The following WNK3 variants were observed in gnomAD, a reference collection of about 807,000 sequenced individuals.
The protein encoded by WNK3 is WNK lysine deficient protein kinase 3, also known as serine/threonine-protein kinase WNK3.
In WNK3, 18 loss-of-function variants were observed where a neutral mutation model predicts 116.7. The observed-to-expected ratio is 0.15, with a 90% CI of 0.11 to 0.23. WNK3 has a LOEUF of 0.23. Among genes scored for constraint, WNK3 ranks in the 10% least tolerant of loss-of-function variants. The probability of loss-of-function intolerance (pLI) is 1.00; values close to 1 mark genes in which losing one functional copy is unlikely to be tolerated. For missense variants in WNK3, 993 were observed against 1,323.8 expected (o/e 0.75, Z 3.88); for synonymous variants, 404 against 469.4 (o/e 0.86, Z 1.80).
chrX:54,332,556 T>G (rs1469756857), intron 2 of WNK3, among the ~76,000 whole-genome samples: 1 of 111,689 alleles, frequency 9.0e-6, no homozygotes, highest in East Asian at 2.8e-4. Context: ...TTGGGGACTT[T>G]CCTAAAGCTA....
In WNK3 at chrX:54,255,224, C is replaced by T. The variant is rs185665324; in HGVS notation, c.2250+516G>A. Among the ~76,000 whole-genome samples, 73 of 111,639 alleles carry T rather than the reference C, an allele frequency of 6.5e-4. No individual in the cohort carries two copies. The East Asian group carries it at 0.016, about 25-fold the overall frequency. On this transcript the variant is annotated intron_variant, in intron 12 of 23. Transcript: ENST00000354646. ...CGAACTCCTGACCTCAGATGATCCA[C>T]CTGCCTCGGCCTTCCAAAGTGTTGG...
chrX:54,215,976 T>C (rs1240417337), intron 22 of WNK3, among the ~76,000 whole-genome samples: 3 of 111,214 alleles, frequency 2.7e-5, no homozygotes, highest in Non-Finnish European at 3.8e-5. Context: ...TCTATAATCT[T>C]ACCCCCAACC....
exon 21 of WNK3, chrX:54,232,960 A>G (rs370105030): frequency 2.0e-5 from 24 of 1,208,723 alleles, no homozygotes; most frequent in Non-Finnish European, 1.7e-5. Context: ...GAAGGCGTTC[A>G]TAGAGCTCCT....
chrX:54,273,057 C>T (rs1421280625), intron 10 of WNK3, among the ~76,000 whole-genome samples: 3 of 112,031 alleles, frequency 2.7e-5, no homozygotes, highest in Non-Finnish European at 3.8e-5. Flanking sequence ...TCTGGCCAAT[C>T]CAGTCAGTAC....
intron 17 of WNK3, among the ~76,000 whole-genome samples, chrX:54,243,912 T>C (rs1486193417): frequency 9.0e-5 from 10 of 111,605 alleles, no homozygotes; most frequent in African/African-American, 3.3e-4. Flanking sequence ...ATAAACAAAA[T>C]GCAGTATAGC....
Position 54,260,547 on chromosome X carries a change from C to G in WNK3, c.2038-1209G>C, listed in dbSNP as rs1047601261. 2.7e-5 allele frequency among the ~76,000 whole-genome samples: 3 copies of G among 111,434 alleles called. No individual in the cohort carries two copies. The Admixed American group carries it at 2.9e-4, about 11-fold the overall frequency. Reference sequence around the variant, plus strand: ...ATGGGGTTATTAATGCTACTTTGTGCTGGTGCTCAGAATCATGGCTAATGT... The same window carrying G: ...ATGGGGTTATTAATGCTACTTTGTGGTGGTGCTCAGAATCATGGCTAATGT... On this transcript the variant is annotated intron_variant, in intron 10 of 23. Transcript: ENST00000354646.
intron 1 of WNK3, among the ~76,000 whole-genome samples, chrX:54,336,012 G>A (rs1319270701): frequency 8.0e-5 from 9 of 112,295 alleles, no homozygotes; most frequent in Non-Finnish European, 1.1e-4. Flanking sequence ...AAGAATAGCC[G>A]GGTGCAGTGG....
At chrX:54,199,328 A>G (rs1275601702) in intron 23 of WNK3, among the ~76,000 whole-genome samples, 1 of 110,293 alleles carries the variant, frequency 9.1e-6, no homozygotes, top group East Asian at 2.9e-4. Context: ...TCTCTTAAGC[A>G]TTTTTTGGAA....
At chrX:54,278,096 A>G (rs2068471477) in intron 10 of WNK3, among the ~76,000 whole-genome samples, 1 of 94,107 alleles carries the variant, frequency 1.1e-5, no homozygotes, top group African/African-American at 3.8e-5. Context: ...CCTGCCTCAG[A>G]AAAAAAAAAA....
chrX:54,257,735 A>G (rs2068208803), intron 11 of WNK3, among the ~76,000 whole-genome samples: 1 of 95,719 alleles, frequency 1.0e-5, no homozygotes, highest in Non-Finnish European at 2.1e-5. Context: ...GGCTGCAGTG[A>G]GCCAAGATCA....
chrX:54,295,551 C>G (rs2068688990), intron 7 of WNK3, among the ~76,000 whole-genome samples: 1 of 111,989 alleles, frequency 8.9e-6, no homozygotes, highest in South Asian at 3.7e-4. Context: ...GGTCCTTTGT[C>G]CTGTATGAGC....
At chrX:54,249,098 G>A in exon 17 of WNK3, 2 of 1,211,796 alleles carry the variant, frequency 1.7e-6, no homozygotes, top group Non-Finnish European at 2.2e-6. Flanking sequence ...AGGGTAGTTG[G>A]TTCAAGGCCA....
At chrX:54,232,663 A>C in intron 21 of WNK3, 146 bp downstream of exon 21, 1 of 528,587 alleles carries the variant, frequency 1.9e-6, no homozygotes, top group Middle Eastern at 5.8e-4. Context: ...GACATTTAAC[A>C]TCAAAAACAG....
rs192384518 is a variant in WNK3 at position 54,290,237 on chromosome X, C to A, written c.2037+2651G>T. Among the ~76,000 whole-genome samples, 8 of 108,477 alleles carry A rather than the reference C, an allele frequency of 7.4e-5. No individual in the cohort carries two copies. The Admixed American group carries it at 7.9e-4, about 11-fold the overall frequency. The allele number at this position is 108,477 out of a possible 115,157, so 94.2% of individuals were successfully genotyped here. Reference sequence around the variant, plus strand: ...GTTGCAGTGAGCTGAGATCACACCACTTCACTCCAGCCTGGGTGACAGAGT... The same window carrying A: ...GTTGCAGTGAGCTGAGATCACACCAATTCACTCCAGCCTGGGTGACAGAGT... On this transcript the variant is annotated intron_variant, in intron 10 of 23. Coordinates refer to ENST00000354646, the Ensembl canonical transcript of WNK3.
intron 1 of WNK3, among the ~76,000 whole-genome samples, chrX:54,346,173 A>G (rs1367627181): frequency 9.6e-6 from 1 of 104,082 alleles, no homozygotes; most frequent in African/African-American, 3.5e-5. Context: ...TGGGAACAAG[A>G]TAGTATCTCA....
intron 3 of WNK3, among the ~76,000 whole-genome samples, chrX:54,310,281 C>CT (rs2147172286): frequency 1.8e-5 from 2 of 110,504 alleles, no homozygotes; most frequent in Admixed American, 2.0e-4. Flanking sequence ...TGCCTCACTC[C>CT]TATAACCCTA....
intron 1 of WNK3, among the ~76,000 whole-genome samples, chrX:54,336,269 G>A (rs1485451727): frequency 9.0e-6 from 1 of 110,786 alleles, no homozygotes; most frequent in Non-Finnish European, 1.9e-5. Flanking sequence ...GCAGTGAGCT[G>A]AGATCTCACC....
At chrX:54,222,875 C>CA (rs782247481) in intron 22 of WNK3, among the ~76,000 whole-genome samples, 493 of 45,108 alleles carry the variant, frequency 0.011, 4 homozygotes, top group Middle Eastern at 0.081. Context: ...GACTCTGTCT[C>CA]AAAAAAAAAA....
intron 2 of WNK3, among the ~76,000 whole-genome samples, chrX:54,329,736 T>C (rs782292132): frequency 1.8e-5 from 2 of 110,859 alleles, no homozygotes; most frequent in Non-Finnish European, 3.8e-5. Context: ...ATAACTAGAG[T>C]ACACAGCTTG....
Sources: gnomAD v4.1 joint callset for allele counts (sites outside exome capture counted in the v4.1 genomes callset) on GRCh38, gnomAD v4.1.1 for gene constraint, MANE v1.5 for transcripts, NCBI Gene and HGNC (gene_info 2026-07-23, HGNC 2026-07-21) for gene names.